ANKS6: variants seen among roughly 807,000 people sequenced by gnomAD.
ANKS6 encodes the protein ankyrin repeat and SAM domain-containing protein 6.
A neutral mutation model predicts 77.9 loss-of-function variants in ANKS6; 47 were observed. The ratio of observed to expected loss-of-function variants is 0.60; its 90% confidence interval spans 0.48 to 0.77. The LOEUF is 0.77. ANKS6 is among the 30% of genes least tolerant of loss of function. ANKS6 has a pLI of 0.00. For synonymous variants in ANKS6, 488 were observed against 501.7 expected, an observed-to-expected ratio of 0.97 and a Z score of 0.37; for missense variants, 1,150 against 1,159.1, an observed-to-expected ratio of 0.99 and a Z score of 0.11.
intron 8 of ANKS6, 105 bp downstream of exon 8, chr9:98,777,300 T>G: frequency 8.0e-7 from 1 of 1,255,244 alleles, no homozygotes; most frequent in Non-Finnish European, 1.2e-6. Context: ...CAACCCTATC[T>G]GTGACCACTA....
At chr9:98,737,461 T>G (rs1309991958) in intron 14 of ANKS6, among the ~76,000 whole-genome samples, 1 of 151,712 alleles carries the variant, frequency 6.6e-6, no homozygotes, top group Non-Finnish European at 1.5e-5. Context: ...AATCAAGAAC[T>G]CAACCACTTC....
chr9:98,778,169 G>C, intron 7 of ANKS6, 57 bp downstream of exon 7: 2 of 1,576,582 alleles, frequency 1.3e-6, no homozygotes, highest in Non-Finnish European at 1.7e-6. Flanking sequence ...ATGAAGGGCA[G>C]AGGGTACAGG....
chr9:98,782,551 G>A lies in ANKS6; in HGVS notation c.1135C>T (p.Leu379=), dbSNP rs756078186. 2 of 1,614,134 alleles carry A rather than the reference G, an allele frequency of 1.2e-6. No individual in the cohort carries two copies. Among genetic ancestry groups the A allele is most frequent in the East Asian group, 4.5e-5 (2 of 44,880 alleles). Residue 379 remains leucine (L), a synonymous_variant, in exon 5 of 15, where the codon CTG becomes TTG. Coordinates refer to ENST00000353234, the MANE Select transcript of ANKS6 (RefSeq NM_173551.5). ...GTGACATCGGCCCCTTGGTTTAGCA[G>A]ATATTTCACAATTTCCTTATTCCTG... ...YHGNKEIVKY[L]LNQGADVTLR... is the part of the protein sequence containing the mutation.
At chr9:98,767,430 A>C (rs906893487) in intron 11 of ANKS6, among the ~76,000 whole-genome samples, 1 of 152,114 alleles carries the variant, frequency 6.6e-6, no homozygotes. Context: ...AAACCTGGGT[A>C]GGGCCCCCCA....
intron 13 of ANKS6, among the ~76,000 whole-genome samples, chr9:98,746,752 GC>G (rs1208493392): frequency 6.6e-6 from 1 of 152,158 alleles, no homozygotes; most frequent in Non-Finnish European, 1.5e-5. Flanking sequence ...GAGGGCAGTA[GC>G]CCCCTTGTTA....
chr9:98,790,613 G>A lies in ANKS6; in HGVS notation c.360-7C>T. On this transcript the variant is annotated splice_polypyrimidine_tract_variant and splice_region_variant and intron_variant, in intron 1 of 14. Transcript: ENST00000353234. The stretch of plus-strand genomic sequence containing the variant: ...CACACTCACATGCCCAAATCTGCCA[G>A]GAAGATGGAGAATTAGTGACACTGA... The A allele has an allele frequency of 6.3e-7, 1 of 1,592,936 alleles. No individual in the cohort carries two copies. Among genetic ancestry groups the A allele is most frequent in the East Asian group, 2.3e-5 (1 of 44,268 alleles).
chr9:98,739,491 C>A (rs1209034468), intron 14 of ANKS6, among the ~76,000 whole-genome samples: 1 of 151,994 alleles, frequency 6.6e-6, no homozygotes. Flanking sequence ...TCACCCTGAG[C>A]AAGATACTTA....
chr9:98,768,167 G>A lies in ANKS6; in HGVS notation c.2056C>T (p.Arg686Trp), dbSNP rs746432959. Residue 686 changes from arginine (R) to tryptophan (W), a missense_variant, in exon 11 of 15, where the codon CGG becomes TGG. Transcript: ENST00000353234. ...GGTGCTGGCCCCACAGGGCTTGACC[G>A]ATGGCTGGGTTTCTGCTCCAATAAT... ...AGLLEQKPSH[R>W]SSPVGPAPGS... The A allele has an allele frequency of 2.5e-5, 41 of 1,613,914 alleles. No homozygotes were observed. The South Asian group carries it at 3.8e-4, about 15-fold the overall frequency.
At position 98,756,402 on chromosome 9, in the gene ANKS6, G is replaced by T; in HGVS notation, c.2326+18C>A. Reference sequence around the variant, plus strand: ...GGTGAGAGGAATAGGTGGGGTTTCAGGCCCTCAGGGGACTCACCCTCATCT... The same window carrying T: ...GGTGAGAGGAATAGGTGGGGTTTCATGCCCTCAGGGGACTCACCCTCATCT... On this transcript the variant is annotated intron_variant, in intron 12 of 14. Transcript: ENST00000353234. 6.2e-7 allele frequency: 1 copy of T among 1,608,278 alleles called. No homozygotes were observed. The highest frequency in any genetic ancestry group is 1.7e-4 in the Middle Eastern group (1 of 5,794).
intron 5 of ANKS6, 67 bp downstream of exon 5, chr9:98,782,400 G>T: frequency 7.2e-7 from 1 of 1,396,488 alleles, no homozygotes; most frequent in Non-Finnish European, 1.0e-6. Context: ...CAGAGGAGGT[G>T]CCTGTCTTGA....
At chr9:98,750,890 CGCTAA>C in intron 13 of ANKS6, 134 bp downstream of exon 13, 1 of 681,210 alleles carries the variant, frequency 1.5e-6, no homozygotes, top group Non-Finnish European at 2.5e-6. Flanking sequence ...GAACTAATCC[CGCTAA>C]GCACGAATTC....
intron 2 of ANKS6, 32 bp from the exon 3 acceptor site, chr9:98,784,908 C>A (rs41283626): frequency 6.2e-7 from 1 of 1,602,168 alleles, no homozygotes; most frequent in Non-Finnish European, 8.5e-7. Context: ...AAGTTAACCA[C>A]GGAAAGGTTT....
rs553028942 is a variant in ANKS6 at position 98,733,870 on chromosome 9, G to C, written c.*2649C>G. ...AAAACCTATTATCCTGTGGAACTAG[G>C]GTTCCCAGGAGCATACTTTTGGGAA... is the stretch of plus-strand genomic sequence containing the variant. On this transcript the variant is annotated 3_prime_UTR_variant, in exon 15 of 15. Coordinates refer to ENST00000353234, the MANE Select transcript of ANKS6 (RefSeq NM_173551.5). 2 of 985,330 alleles carry C rather than the reference G, an allele frequency of 2.0e-6. No homozygotes were observed. The highest frequency in any genetic ancestry group is 6.1e-5 in the Admixed American group (1 of 16,278). The allele number at this position is 985,330 out of a possible 1,614,324, so 61.0% of individuals were successfully genotyped here. A position where few individuals can be genotyped will look rare whatever the true frequency, so the allele number is the denominator to read the frequency against.
chr9:98,751,472 T>G (rs2117890128), intron 12 of ANKS6, among the ~76,000 whole-genome samples: 1 of 152,304 alleles, frequency 6.6e-6, no homozygotes, highest in East Asian at 1.9e-4. Flanking sequence ...ATGCCTGCAG[T>G]AAATGCCAAT....
In ANKS6 at chr9:98,790,434, C is replaced by T. The variant is rs181546859; in HGVS notation, c.532G>A (p.Glu178Lys). The change falls in exon 2 of 15, where the codon GAG (glutamate) becomes AAG (lysine). Residue 178 changes from glutamate (E) to lysine (K), a missense_variant. Coordinates refer to ENST00000353234, the MANE Select transcript of ANKS6 (RefSeq NM_173551.5). The stretch of plus-strand genomic sequence containing the variant: ...CTGCTGCCGCCCAACCCCAGTTGCT[C>T]GCCTGAAGGGTGGTGATGGTCCACA... ...AFVDHHHPSG[E>K]QLGLGGSRDE... is the part of the protein sequence containing the mutation. The T allele has an allele frequency of 1.4e-3, 2,187 of 1,613,772 alleles. 1 individual carries two copies. Among genetic ancestry groups the T allele is most frequent in the Non-Finnish European group, 1.7e-3 (2,059 of 1,180,006 alleles).
chr9:98,789,749 T>C (rs915080196), intron 2 of ANKS6, among the ~76,000 whole-genome samples: 2 of 152,220 alleles, frequency 1.3e-5, no homozygotes, highest in African/African-American at 4.8e-5. Flanking sequence ...TAACAGAGAC[T>C]GTATGGTCCA....
intron 1 of ANKS6, among the ~76,000 whole-genome samples, chr9:98,795,718 C>T (rs1054961581): frequency 9.2e-5 from 14 of 152,302 alleles, no homozygotes; most frequent in South Asian, 8.3e-4. Flanking sequence ...CAAACCTTTC[C>T]GGTCAAGCTC....
At chr9:98,752,107 A>G (rs910947629) in intron 12 of ANKS6, among the ~76,000 whole-genome samples, 1 of 152,156 alleles carries the variant, frequency 6.6e-6, no homozygotes, top group Non-Finnish European at 1.5e-5. Context: ...CAAACAAACA[A>G]ACAAACAAAC....
intron 6 of ANKS6, among the ~76,000 whole-genome samples, chr9:98,779,129 A>C (rs916541868): frequency 6.6e-6 from 1 of 152,228 alleles, no homozygotes; most frequent in Non-Finnish European, 1.5e-5. Flanking sequence ...CAGCCCTCAG[A>C]AGGCGCTACC....
Sources: gnomAD v4.1 joint callset for allele counts (sites outside exome capture counted in the v4.1 genomes callset) on GRCh38, gnomAD v4.1.1 for gene constraint, MANE v1.5 for transcripts, NCBI Gene and HGNC (gene_info 2026-07-23, HGNC 2026-07-21) for gene names.